Variants in AFAP1 observed in about 807,000 individuals in gnomAD.
AFAP1 encodes actin filament-associated protein 1.
A neutral mutation model predicts 93.9 loss-of-function variants in AFAP1; 75 were observed. The observed-to-expected ratio is 0.80, with a 90% confidence interval of 0.66 to 0.97. The LOEUF (loss-of-function observed/expected upper bound fraction) is 0.97, where lower values mean the gene tolerates loss of function less well. Among genes scored for constraint, AFAP1 ranks in the 50% least tolerant of loss-of-function variants. AFAP1 has a pLI of 0.00. For missense variants in AFAP1, 1,201 were observed against 1,050.8 expected (o/e 1.14, Z -1.98); for synonymous variants, 517 against 430.7 (o/e 1.20, Z -2.48).
In AFAP1 at chr4:7,759,521, C is replaced by A. The variant is rs1713482446; in HGVS notation, c.*4244G>T. 1 of 152,604 alleles carries A rather than the reference C, an allele frequency of 6.6e-6. No individual in the cohort carries two copies. Among genetic ancestry groups the A allele is most frequent in the Non-Finnish European group, 1.5e-5 (1 of 68,034 alleles). The allele number at this position is 152,604 out of a possible 1,614,324, so 9.5% of individuals were successfully genotyped here. ...TTTGGTTTCATTTTAGTTTATTTCA[C>A]AGTATGAACCCAGCCCACCAAGGGG... On this transcript the variant is annotated 3_prime_UTR_variant, in exon 18 of 18. Transcript: ENST00000420658.
At chr4:7,769,372 G>C (rs1715084949) in intron 16 of AFAP1, among the ~76,000 whole-genome samples, 1 of 152,196 alleles carries the variant, frequency 6.6e-6, no homozygotes, top group South Asian at 2.1e-4. Flanking sequence ...TTAAGGTTTT[G>C]AGCTTTTCTG....
At chr4:7,815,704 C>T (rs1486929789) in intron 8 of AFAP1, among the ~76,000 whole-genome samples, 4 of 152,174 alleles carry the variant, frequency 2.6e-5, no homozygotes, top group Non-Finnish European at 5.9e-5. Context: ...GCAAATTTGT[C>T]TCAGTGACAG....
intron 1 of AFAP1, among the ~76,000 whole-genome samples, chr4:7,905,362 AG>A (rs1265996935): frequency 3.3e-5 from 5 of 152,260 alleles, no homozygotes; most frequent in Admixed American, 2.0e-4. Flanking sequence ...CTTCTCAAAA[AG>A]GAAGTGTGAC....
intron 1 of AFAP1, among the ~76,000 whole-genome samples, chr4:7,908,031 G>A (rs1002392893): frequency 6.6e-6 from 1 of 152,166 alleles, no homozygotes; most frequent in South Asian, 2.1e-4. Context: ...GGCCAATGCG[G>A]TGAAACCCCG....
rs934914906 is a variant in AFAP1 at position 7,836,328 on chromosome 4, G to A, written c.726+2196C>T. 2.0e-5 allele frequency among the ~76,000 whole-genome samples: 3 copies of A among 152,228 alleles called. No homozygotes were observed. The East Asian group carries it at 5.8e-4, about 29-fold the overall frequency. Reference sequence around the variant, plus strand: ...AGCCAGCCACGAAAGCCCAAGTACTGTAAGAGCCACTTCTGTGAAATGCTG... The same window carrying A: ...AGCCAGCCACGAAAGCCCAAGTACTATAAGAGCCACTTCTGTGAAATGCTG... On this transcript the variant is annotated intron_variant, in intron 6 of 17. Coordinates refer to ENST00000420658, the MANE Select transcript of AFAP1 (RefSeq NM_001134647.2).
At chr4:7,897,258 A>G (rs1024151105) in intron 1 of AFAP1, among the ~76,000 whole-genome samples, 4 of 152,202 alleles carry the variant, frequency 2.6e-5, no homozygotes, top group African/African-American at 9.6e-5. Context: ...GAAAAACAGG[A>G]CATCAGAGTA....
At chr4:7,805,466 T>A (rs931320330) in intron 9 of AFAP1, among the ~76,000 whole-genome samples, 1 of 152,112 alleles carries the variant, frequency 6.6e-6, no homozygotes, top group Non-Finnish European at 1.5e-5. Flanking sequence ...TCTGGTATGC[T>A]TAGGTGATGT....
intron 16 of AFAP1, among the ~76,000 whole-genome samples, chr4:7,769,684 A>T (rs971856919): frequency 6.6e-6 from 1 of 152,204 alleles, no homozygotes; most frequent in African/African-American, 2.4e-5. Flanking sequence ...GCCTTCTCTC[A>T]AATGAAGTCT....
At chr4:7,933,120 C>T (rs1169119875) in intron 1 of AFAP1, among the ~76,000 whole-genome samples, 1 of 151,982 alleles carries the variant, frequency 6.6e-6, no homozygotes, top group Non-Finnish European at 1.5e-5. Flanking sequence ...AACCACCTCC[C>T]AGGCTGCTGT....
chr4:7,770,183 C>A (rs1715222701), intron 16 of AFAP1, among the ~76,000 whole-genome samples: 1 of 152,184 alleles, frequency 6.6e-6, no homozygotes, highest in Non-Finnish European at 1.5e-5. Flanking sequence ...GCAGAGGCAG[C>A]AAGCCAGGCG....
Position 7,781,624 on chromosome 4 carries a change from C to G in AFAP1, c.1534G>C (p.Glu512Gln). ...DDVPCINGSW[E>Q]PEDGFPASCS... ...GAAGCAGGAAAGCCGTCTTCCGGTT[C>G]CCACTGCAACACACATAGCTTTGTG... Residue 512 changes from glutamate to glutamine, a missense_variant, in exon 13 of 18, where the codon GAA (glutamate) becomes CAA (glutamine). Physicochemically the swap from Glu to Gln is conservative, Grantham distance 29. Transcript: ENST00000420658. The G allele has an allele frequency of 6.4e-7, 1 of 1,551,708 alleles. No individual in the cohort carries two copies. Among genetic ancestry groups the G allele is most frequent in the Non-Finnish European group, 8.7e-7 (1 of 1,146,978 alleles).
intron 1 of AFAP1, among the ~76,000 whole-genome samples, chr4:7,925,372 G>A (rs1049978280): frequency 6.6e-6 from 1 of 152,222 alleles, no homozygotes; most frequent in South Asian, 2.1e-4. Flanking sequence ...GGGCCTTGAA[G>A]TCAAACTTCT....
intron 1 of AFAP1, among the ~76,000 whole-genome samples, chr4:7,917,133 A>C (rs1221063345): frequency 6.6e-6 from 1 of 152,178 alleles, no homozygotes; most frequent in African/African-American, 2.4e-5. Flanking sequence ...AAAAAGCCTT[A>C]AGACTCATTT....
At chr4:7,869,073 G>GA (rs1240443240) in intron 2 of AFAP1, among the ~76,000 whole-genome samples, 2 of 104,602 alleles carry the variant, frequency 1.9e-5, no homozygotes, top group Admixed American at 9.8e-5. Context: ...AAAGAGAAAA[G>GA]AAAAAAGAAA....
intron 1 of AFAP1, among the ~76,000 whole-genome samples, chr4:7,877,714 T>G (rs560811325): frequency 1.3e-5 from 2 of 152,364 alleles, no homozygotes; most frequent in Admixed American, 6.5e-5. Context: ...TTCCACAGAC[T>G]GTTTTCAGAG....
chr4:7,917,355 C>CATAT (rs1244551586), intron 1 of AFAP1, among the ~76,000 whole-genome samples: 2 of 152,024 alleles, frequency 1.3e-5, no homozygotes, highest in African/African-American at 2.4e-5. Context: ...ACAAAGTGTA[C>CATAT]ATATATATTT....
chr4:7,887,297 T>A (rs1030651754), intron 1 of AFAP1, among the ~76,000 whole-genome samples: 1 of 152,028 alleles, frequency 6.6e-6, no homozygotes, highest in Non-Finnish European at 1.5e-5. Flanking sequence ...CTGCAAAATA[T>A]TTGGGTATCT....
intron 11 of AFAP1, among the ~76,000 whole-genome samples, chr4:7,790,507 G>A (rs1286896792): frequency 6.6e-6 from 1 of 152,128 alleles, no homozygotes; most frequent in Admixed American, 6.5e-5. Context: ...TTATCGGCGT[G>A]CTGATTATAC....
chr4:7,917,267 C>T (rs999371696), intron 1 of AFAP1, among the ~76,000 whole-genome samples: 19 of 152,108 alleles, frequency 1.2e-4, no homozygotes, highest in African/African-American at 4.1e-4. Context: ...CTCACTGTAT[C>T]GTCATGAAAG....
Sources: allele counts gnomAD v4.1 joint callset (sites outside exome capture counted in the v4.1 genomes callset), GRCh38; gene constraint gnomAD v4.1.1; transcripts MANE v1.5; gene names NCBI Gene and HGNC (gene_info 2026-07-23, HGNC 2026-07-21).